Variants in PSMD11 observed in about 807,000 individuals in gnomAD.
PSMD11 encodes the protein proteasome 26S subunit, non-ATPase 11.
A neutral mutation model predicts 62.3 loss-of-function variants in PSMD11; 5 were observed. That is an observed-to-expected ratio of 0.08 (90% CI 0.04 to 0.17). The LOEUF (loss-of-function observed/expected upper bound fraction) is 0.17, where lower values mean the gene tolerates loss of function less well. PSMD11 is among the 10% of genes least tolerant of loss of function. The probability of loss-of-function intolerance (pLI) is 1.00; values close to 1 mark genes in which losing one functional copy is unlikely to be tolerated. For missense variants in PSMD11, 310 were observed against 512.9 expected (o/e 0.60, Z 3.82); for synonymous variants, 191 against 191.8 (o/e 1.00, Z 0.03).
At chr17:32,468,754 C>T (rs1283670896) in intron 5 of PSMD11, among the ~76,000 whole-genome samples, 1 of 152,136 alleles carries the variant, frequency 6.6e-6, no homozygotes, top group Non-Finnish European at 1.5e-5. Flanking sequence ...TAGGAGTAAG[C>T]TCATAGGACT....
At chr17:32,461,635 T>TAA (rs61260240) in intron 3 of PSMD11, among the ~76,000 whole-genome samples, 16 of 143,594 alleles carry the variant, frequency 1.1e-4, no homozygotes, top group African/African-American at 3.8e-4. Flanking sequence ...CCAGTTCGTG[T>TAA]AAAAAAAAAA....
intron 3 of PSMD11, 29 bp from the exon 4 acceptor site, chr17:32,464,020 G>A (rs1454388144): frequency 6.3e-7 from 1 of 1,599,348 alleles, no homozygotes; most frequent in Non-Finnish European, 8.6e-7. Context: ...AGGACATAAT[G>A]TTGCATGTAC....
chr17:32,473,521 C>G (rs560671617), intron 6 of PSMD11, among the ~76,000 whole-genome samples: 5 of 151,978 alleles, frequency 3.3e-5, no homozygotes, highest in Admixed American at 6.5e-5. Flanking sequence ...CTCAGGTGAT[C>G]CGCCTGCCTC....
In PSMD11 at chr17:32,480,833, T is replaced by C; in HGVS notation, c.*81T>C. On this transcript the variant is annotated 3_prime_UTR_variant, in exon 14 of 14. Coordinates refer to ENST00000261712, the MANE Select transcript of PSMD11 (RefSeq NM_002815.4). ...GGGGGAAAATGCTAGGAGATTCTTT[T>C]TTCTTTTTGTTCTACTTTTCGCTCG... 1 of 538,364 alleles carries C rather than the reference T, an allele frequency of 1.9e-6. No individual in the cohort carries two copies. Among genetic ancestry groups the C allele is most frequent in the East Asian group, 3.1e-5 (1 of 32,412 alleles). 33.3% of individuals were successfully genotyped at this position (538,364 alleles called of 1,614,324 possible).
At chr17:32,466,923 T>C (rs1908007469) in intron 5 of PSMD11, among the ~76,000 whole-genome samples, 2 of 152,140 alleles carry the variant, frequency 1.3e-5, no homozygotes, top group African/African-American at 2.4e-5. Context: ...CTCCTTCGTA[T>C]GTCTTGTTTT....
At position 32,477,543 on chromosome 17, in the gene PSMD11, C is replaced by G; in HGVS notation, c.872C>G (p.Ala291Gly). Reference protein sequence around the residue: ...GRQTEALKCVAQASKNRSLAD... With the variant: ...GRQTEALKCVGQASKNRSLAD... ...CAGACAGAAGCATTAAAATGCGTGG[C>G]TCAGGCTAGCAAGAACAGATCACTG... is the stretch of plus-strand genomic sequence containing the variant. Residue 291 changes from alanine (A) to glycine (G), a missense_variant, in exon 9 of 14, where the codon GCT becomes GGT. Coordinates refer to ENST00000261712, the MANE Select transcript of PSMD11 (RefSeq NM_002815.4). 6 of 1,608,668 alleles carry G rather than the reference C, an allele frequency of 3.7e-6. No homozygotes were observed. The highest frequency in any genetic ancestry group is 5.1e-6 in the Non-Finnish European group (6 of 1,177,696).
chr17:32,471,308 T>G (rs759966212), intron 6 of PSMD11, among the ~76,000 whole-genome samples: 24 of 152,236 alleles, frequency 1.6e-4, no homozygotes, highest in Non-Finnish European at 3.1e-4. Context: ...GCAACTCAAC[T>G]TCTAAGCAAT....
At chr17:32,468,582 G>A (rs1908065135) in intron 5 of PSMD11, among the ~76,000 whole-genome samples, 1 of 152,130 alleles carries the variant, frequency 6.6e-6, no homozygotes, top group African/African-American at 2.4e-5. Flanking sequence ...GGAGAACATT[G>A]GTATATCTAG....
At chr17:32,472,540 T>G (rs1908194561) in intron 6 of PSMD11, among the ~76,000 whole-genome samples, 1 of 149,856 alleles carries the variant, frequency 6.7e-6, no homozygotes, top group Non-Finnish European at 1.5e-5. Context: ...GTGCCTGACC[T>G]CTTTTTTTTT....
intron 9 of PSMD11, among the ~76,000 whole-genome samples, chr17:32,478,528 C>T (rs1440564129): frequency 6.6e-6 from 1 of 152,110 alleles, no homozygotes; most frequent in East Asian, 1.9e-4. Context: ...CCAAATAGTT[C>T]CTTGGAAGAA....
rs1027842525 is a variant in PSMD11 at position 32,481,810 on chromosome 17, C to G, written c.*1058C>G. 1.3e-5 allele frequency: 2 copies of G among 149,654 alleles called. No homozygotes were observed. Among genetic ancestry groups the G allele is most frequent in the Admixed American group, 6.7e-5 (1 of 14,960 alleles). The allele number at this position is 149,654 out of a possible 1,614,324, so 9.3% of individuals were successfully genotyped here. ...ACTGTGGGGTGTGGTTTCTCTCTCTCTTTTTTTTTTAATTTTCTTTGTTGG... is the reference window on the plus strand; with the variant it reads ...ACTGTGGGGTGTGGTTTCTCTCTCTGTTTTTTTTTTAATTTTCTTTGTTGG... On this transcript the variant is annotated 3_prime_UTR_variant, in exon 14 of 14. Transcript: ENST00000261712.
intron 2 of PSMD11, among the ~76,000 whole-genome samples, chr17:32,450,467 A>G (rs1907460661): frequency 1.4e-5 from 2 of 141,060 alleles, no homozygotes; most frequent in Non-Finnish European, 3.0e-5. Context: ...AGGTTTCACC[A>G]TGTTGGCCAG....
chr17:32,446,988 C>G lies in PSMD11; in HGVS notation c.135C>G (p.Val45=), dbSNP rs755840971. The G allele has an allele frequency of 6.2e-7, 1 of 1,613,184 alleles. No individual in the cohort carries two copies. Among genetic ancestry groups the G allele is most frequent in the South Asian group, 1.1e-5 (1 of 90,966 alleles). ...IQENDEEAVQ[V]KEQSILELGS... is the part of the protein sequence containing the mutation. ...AAAACGATGAAGAGGCAGTGCAAGT[C>G]AAAGAGCAGAGCATCCTGGAACTGG... is the stretch of plus-strand genomic sequence containing the variant. The change falls in exon 2 of 14, where the codon GTC becomes GTG. Residue 45 remains valine, a synonymous_variant. Transcript: ENST00000261712.
rs117481377 is a variant in PSMD11 at position 32,447,204 on chromosome 17, T to C, written c.193+158T>C. 2.1e-3 allele frequency: 1,121 copies of C among 535,762 alleles called. 20 individuals are homozygous for C. In the East Asian group the frequency reaches 0.036, roughly 17 times the overall value. 33.2% of individuals were successfully genotyped at this position (535,762 alleles called of 1,614,324 possible). On this transcript the variant is annotated intron_variant, in intron 2 of 13. Transcript: ENST00000261712. ...TTTTAGCAGGCAATTAAGTGGCCTT[T>C]AAACTCACTTCTTTCCTGGTAGTTT...
At position 32,464,196 on chromosome 17, in the gene PSMD11, T is replaced by A. The variant is rs17247609; in HGVS notation, c.390+76T>A. ...GTGAATGTAAGCAGTACCATCCTTA[T>A]CAAAAGTATCTTCAGCAACTTTGTA... On this transcript the variant is annotated intron_variant, in intron 4 of 13. Coordinates refer to ENST00000261712, the MANE Select transcript of PSMD11 (RefSeq NM_002815.4). 3,181 of 1,338,536 alleles carry A rather than the reference T, an allele frequency of 2.4e-3. 90 individuals carry two copies. The East Asian group carries it at 0.061, about 26-fold the overall frequency. The allele number at this position is 1,338,536 out of a possible 1,614,324, so 82.9% of individuals were successfully genotyped here.
In PSMD11 at chr17:32,479,847, T is replaced by C; in HGVS notation, c.1039-4T>C. 1 of 1,613,590 alleles carries C rather than the reference T, an allele frequency of 6.2e-7. No homozygotes were observed. The highest frequency in any genetic ancestry group is 8.5e-7 in the Non-Finnish European group (1 of 1,179,482). On this transcript the variant is annotated splice_polypyrimidine_tract_variant and splice_region_variant and intron_variant, in intron 10 of 13. Transcript: ENST00000261712. Reference sequence around the variant, plus strand: ...TGTTGGTGTCTCTCTGCCTTTCCTTTTAGATTGAACACATATCTAGTCTCA... The same window carrying C: ...TGTTGGTGTCTCTCTGCCTTTCCTTCTAGATTGAACACATATCTAGTCTCA...
chr17:32,451,505 A>C (rs1319875612), intron 2 of PSMD11, among the ~76,000 whole-genome samples: 1 of 152,230 alleles, frequency 6.6e-6, no homozygotes, highest in East Asian at 1.9e-4. Context: ...AGGTATAAGG[A>C]AGATGAGGCA....
At chr17:32,460,504 G>T (rs933248104) in intron 3 of PSMD11, among the ~76,000 whole-genome samples, 11 of 152,180 alleles carry the variant, frequency 7.2e-5, no homozygotes, top group Admixed American at 3.3e-4. Context: ...GTCAGGCATG[G>T]TGGCTCACGC....
intron 1 of PSMD11, among the ~76,000 whole-genome samples, 195 bp from the exon 2 acceptor site, chr17:32,446,750 T>C (rs1035300181): frequency 1.3e-5 from 2 of 151,796 alleles, no homozygotes; most frequent in African/African-American, 4.8e-5. Flanking sequence ...TTTTTTATGA[T>C]TTACATGGAG....
Sources: gnomAD v4.1 joint callset for allele counts (sites outside exome capture counted in the v4.1 genomes callset) on GRCh38, gnomAD v4.1.1 for gene constraint, MANE v1.5 for transcripts, NCBI Gene and HGNC (gene_info 2026-07-23, HGNC 2026-07-21) for gene names.